VPS13C: variants seen among roughly 807,000 people sequenced by gnomAD.
VPS13C encodes the protein intermembrane lipid transfer protein VPS13C.
VPS13C carries 358 observed loss-of-function variants against 456.8 expected under a neutral mutation model. The observed-to-expected ratio is 0.78, with a 90% CI of 0.72 to 0.86. The LOEUF is 0.86. Ranked by LOEUF, VPS13C falls within the 40% of genes least tolerant of loss-of-function variation. The pLI is 0.00. For synonymous variants in VPS13C, 1,578 were observed against 1,486.7 expected (o/e 1.06, Z -1.41); for missense variants, 4,818 against 4,385.4 (o/e 1.10, Z -2.79).
Position 62,038,360 on chromosome 15 carries a change from G to A in VPS13C, c.187+2964C>T, listed in dbSNP as rs953225072. On this transcript the variant is annotated intron_variant, in intron 3 of 84. Coordinates refer to ENST00000644861, the MANE Select transcript of VPS13C (RefSeq NM_020821.3). ...TCCCAGCATTTTGGGAGGCCGAGGCGGATAGATCACTTGAGCCCAGGAGTT... is the reference window on the plus strand; with the variant it reads ...TCCCAGCATTTTGGGAGGCCGAGGCAGATAGATCACTTGAGCCCAGGAGTT... Among the ~76,000 whole-genome samples the A allele has an allele frequency of 1.1e-4, 16 of 152,192 alleles. No individual in the cohort carries two copies. In the East Asian group the frequency reaches 1.7e-3, roughly 17 times the overall value.
At chr15:61,961,539 T>G in intron 35 of VPS13C, 50 bp downstream of exon 35, 1 of 1,480,656 alleles carries the variant, frequency 6.8e-7, no homozygotes, top group South Asian at 1.4e-5. Flanking sequence ...TAAAATTTCA[T>G]GGAAATCATG....
intron 3 of VPS13C, among the ~76,000 whole-genome samples, chr15:62,037,753 G>C (rs1009022508): frequency 6.6e-6 from 1 of 151,824 alleles, no homozygotes; most frequent in African/African-American, 2.4e-5. Flanking sequence ...TAGGATTTCA[G>C]TGAAGCATAT....
chr15:61,988,972 T>C (rs925356446), intron 18 of VPS13C, among the ~76,000 whole-genome samples: 2 of 152,084 alleles, frequency 1.3e-5, no homozygotes, highest in Non-Finnish European at 2.9e-5. Context: ...CATAGTTTCA[T>C]GACCTTGCAA....
chr15:61,931,354 C>A, intron 49 of VPS13C, 95 bp from the exon 50 acceptor site: 1 of 1,260,684 alleles, frequency 7.9e-7, no homozygotes, highest in Non-Finnish European at 1.1e-6. Flanking sequence ...TAAAGGCAAA[C>A]TGATCTCATG....
chr15:61,963,067 G>C lies in VPS13C; in HGVS notation c.3332-215C>G, dbSNP rs975971716. Among the ~76,000 whole-genome samples, 13 of 152,138 alleles carry C rather than the reference G, an allele frequency of 8.5e-5. No individual in the cohort carries two copies. The South Asian group carries it at 1.5e-3, about 17-fold the overall frequency. ...CAATGATTATGTGACTTTTCAATCA[G>C]GGGAAGAAATACATCTAGTACAAAT... On this transcript the variant is annotated intron_variant, in intron 32 of 84. Transcript: ENST00000644861.
Position 61,977,192 on chromosome 15 carries a change from G to C in VPS13C, c.2298C>G (p.Thr766=). 6.5e-7 allele frequency: 1 copy of C among 1,536,462 alleles called. No individual in the cohort carries two copies. Among genetic ancestry groups the C allele is most frequent in the South Asian group, 1.3e-5 (1 of 74,970 alleles). The change falls in exon 24 of 85, where the codon ACC becomes ACG. Residue 766 remains threonine, a synonymous_variant. Coordinates refer to ENST00000644861, the MANE Select transcript of VPS13C (RefSeq NM_020821.3). ...GATGCTGAAATCGACACTTTTTCCA[G>C]GTTTCCTCTTTAAAAAATAATTTAA... is the stretch of plus-strand genomic sequence containing the variant. ...VQLLFARAEE[T]WKKCRFQHPS...
intron 13 of VPS13C, among the ~76,000 whole-genome samples, chr15:62,009,447 G>A (rs1034348854): frequency 5.3e-5 from 8 of 151,868 alleles, no homozygotes; most frequent in Admixed American, 6.6e-5. Flanking sequence ...CCTACCATGC[G>A]GCTGTTTATC....
intron 57 of VPS13C, among the ~76,000 whole-genome samples, chr15:61,919,699 A>G (rs1332806066): frequency 6.6e-6 from 1 of 151,436 alleles, no homozygotes; most frequent in Non-Finnish European, 1.5e-5. Flanking sequence ...TATTCTCTCA[A>G]TCATATAGCA....
chr15:61,995,088 C>T (rs1475659583), intron 16 of VPS13C, among the ~76,000 whole-genome samples: 3 of 152,202 alleles, frequency 2.0e-5, no homozygotes, highest in Admixed American at 1.3e-4. Context: ...CATTCCCAGT[C>T]GTTCATGCTC....
Position 61,996,994 on chromosome 15 carries a change from C to CATATATATATATATATATATATATAT in VPS13C, c.1353+3569_1353+3570insATATATATATATATATATATATATAT, listed in dbSNP as rs956530930. Among the ~76,000 whole-genome samples, 72 of 142,354 alleles carry CATATATATATATATATATATATATAT rather than the reference C, an allele frequency of 5.1e-4. 1 individual carries two copies. Among genetic ancestry groups the CATATATATATATATATATATATATAT allele is most frequent in the African/African-American group, 2.0e-3 (71 of 36,024 alleles). The allele number at this position is 142,354 out of a possible 152,430, so 93.4% of individuals were successfully genotyped here. On this transcript the variant is annotated intron_variant, in intron 16 of 84. Transcript: ENST00000644861. Reference sequence around the variant, plus strand: ...CATCCTTGCCTATATATTTTACATACATACATATATATATATATGTATAGA... The same window carrying CATATATATATATATATATATATATAT: ...CATCCTTGCCTATATATTTTACATACATATATATATATATATATATATATATATACATATATATATATATGTATAGA...
At chr15:61,996,858 A>C (rs2046399144) in intron 16 of VPS13C, among the ~76,000 whole-genome samples, 1 of 143,168 alleles carries the variant, frequency 7.0e-6, no homozygotes, top group Non-Finnish European at 1.5e-5. Flanking sequence ...AGAGCACCAA[A>C]AGGTCTAAAT....
chr15:61,976,792 T>C (rs1158356363), intron 24 of VPS13C, among the ~76,000 whole-genome samples: 1 of 152,036 alleles, frequency 6.6e-6, no homozygotes, highest in Non-Finnish European at 1.5e-5. Context: ...CAAAAGAGCC[T>C]CTAATGTGTT....
At chr15:61,913,156 T>C in intron 62 of VPS13C, among the ~76,000 whole-genome samples, 155 bp downstream of exon 62, 2 of 151,674 alleles carry the variant, frequency 1.3e-5, no homozygotes, top group East Asian at 3.9e-4. Context: ...AGAAATACCA[T>C]TTGACCCAGC....
chr15:61,932,493 A>G (rs1399126645), intron 49 of VPS13C, among the ~76,000 whole-genome samples: 2 of 152,014 alleles, frequency 1.3e-5, no homozygotes, highest in Admixed American at 6.5e-5. Flanking sequence ...ACCATAACAT[A>G]TAATTCCAAA....
intron 1 of VPS13C, among the ~76,000 whole-genome samples, chr15:62,054,004 C>T (rs938138217): frequency 2.0e-5 from 3 of 152,226 alleles, no homozygotes; most frequent in African/African-American, 7.2e-5. Flanking sequence ...AACAGAGTTC[C>T]GAGTACTGGA....
At chr15:61,985,045 A>G (rs1312160269) in intron 18 of VPS13C, 46 bp from the exon 19 acceptor site, 5 of 1,280,160 alleles carry the variant, frequency 3.9e-6, no homozygotes, top group Non-Finnish European at 5.1e-6. Context: ...TTAAATAATT[A>G]TTACTTTCTT....
intron 7 of VPS13C, 47 bp downstream of exon 7, chr15:62,023,733 G>T: frequency 6.8e-7 from 1 of 1,480,818 alleles, no homozygotes; most frequent in South Asian, 1.2e-5. Flanking sequence ...GAAATAAAGT[G>T]GCAATGTGTA....
chr15:61,869,695 T>C (rs1894869969), intron 79 of VPS13C, 72 bp from the exon 80 acceptor site: 3 of 1,595,306 alleles, frequency 1.9e-6, no homozygotes, highest in South Asian at 1.1e-5. Flanking sequence ...AACCAAAACC[T>C]GGGCCAGATA....
chr15:61,916,144 G>A, intron 60 of VPS13C, 122 bp from the exon 61 acceptor site: 1 of 1,129,424 alleles, frequency 8.9e-7, no homozygotes, highest in Non-Finnish European at 1.2e-6. Flanking sequence ...CTTCTGTGAA[G>A]TACCATGCTT....
Sources: gnomAD v4.1 joint callset for allele counts (sites outside exome capture counted in the v4.1 genomes callset) on GRCh38, gnomAD v4.1.1 for gene constraint, MANE v1.5 for transcripts, NCBI Gene and HGNC (gene_info 2026-07-23, HGNC 2026-07-21) for gene names.